RMDN2: variants seen among roughly 807,000 people sequenced by gnomAD.
The protein encoded by RMDN2 is regulator of microtubule dynamics protein 2.
A neutral mutation model predicts 52.8 loss-of-function variants in RMDN2; 61 were observed. The observed-to-expected ratio is 1.16, with a 90% CI of 0.94 to 1.43. RMDN2 has a LOEUF of 1.43. RMDN2 is among the 40% of genes most tolerant of loss of function. The pLI is 0.00. For synonymous variants in RMDN2, 180 were observed against 153.1 expected, an observed-to-expected ratio of 1.18 and a Z score of -1.30; for missense variants, 592 against 475.3, an observed-to-expected ratio of 1.25 and a Z score of -2.28.
chr2:37,989,211 A>G (rs553216125), intron 5 of RMDN2, among the ~76,000 whole-genome samples: 29 of 152,238 alleles, frequency 1.9e-4, no homozygotes, highest in African/African-American at 6.7e-4. Context: ...TTTCTTCATG[A>G]CTTTAATATT....
At position 38,066,924 on chromosome 2, in the gene RMDN2, A is replaced by G. The variant is rs530111619; in HGVS notation, c.1714-58A>G. 3.5e-5 allele frequency: 56 copies of G among 1,594,886 alleles called. No individual in the cohort carries two copies. The African/African-American group carries it at 7.0e-4, about 20-fold the overall frequency. ...GCTGCTAAAGTGAGGTTCCCACGCC[A>G]AAGTTTCAATGCCATTTTGTGCAAT... On this transcript the variant is annotated intron_variant, in intron 10 of 10. Coordinates refer to the RMDN2 transcript ENST00000234195.
At chr2:37,999,449 AC>A (rs1319026362) in intron 8 of RMDN2, among the ~76,000 whole-genome samples, 1 of 152,184 alleles carries the variant, frequency 6.6e-6, no homozygotes, top group Non-Finnish European at 1.5e-5. Flanking sequence ...ACCTCAGCAA[AC>A]CATCTTGGGG....
At chr2:37,953,428 T>C (rs2124975670) in intron 2 of RMDN2, among the ~76,000 whole-genome samples, 1 of 152,148 alleles carries the variant, frequency 6.6e-6, no homozygotes, top group Admixed American at 6.5e-5. Context: ...CTCATATAAG[T>C]GGAATCGTAT....
In RMDN2 at chr2:37,926,737, G is replaced by C. The variant is rs997150187; in HGVS notation, c.-17+1312G>C. 2.1e-4 allele frequency among the ~76,000 whole-genome samples: 32 copies of C among 152,186 alleles called. 1 individual carries two copies. The highest frequency in any genetic ancestry group is 3.2e-3 in the Middle Eastern group (1 of 316). On this transcript the variant is annotated intron_variant, in intron 1 of 10. Coordinates refer to ENST00000354545, the MANE Select transcript of RMDN2 (RefSeq NM_001170791.3). ...GGATTGCTTGGGCCCAGGAGTTCGG[G>C]ACCAGCCTAGCAACATAGGGAGACT...
chr2:38,059,766 G>C (rs1281131924), intron 10 of RMDN2, among the ~76,000 whole-genome samples: 1 of 152,176 alleles, frequency 6.6e-6, no homozygotes, highest in African/African-American at 2.4e-5. Context: ...GCCAAGGGCA[G>C]GTCTGTATGA....
intron 10 of RMDN2, among the ~76,000 whole-genome samples, chr2:38,033,892 A>G (rs1680395522): frequency 6.6e-6 from 1 of 152,312 alleles, no homozygotes. Flanking sequence ...ATATATCAGC[A>G]TATTGTTTTG....
chr2:37,933,779 A>G (rs1379612886), intron 2 of RMDN2, among the ~76,000 whole-genome samples: 3 of 137,084 alleles, frequency 2.2e-5, no homozygotes, highest in Non-Finnish European at 4.9e-5. Context: ...AGGGAGAGAG[A>G]GACCGTGGAA....
chr2:38,008,607 C>G (rs6756153), intron 10 of RMDN2, among the ~76,000 whole-genome samples: 1 of 151,828 alleles, frequency 6.6e-6, no homozygotes, highest in East Asian at 1.9e-4. Flanking sequence ...TGTCTCTGCA[C>G]GTGAGATGGG....
At chr2:38,013,742 A>C (rs1436156837) in intron 10 of RMDN2, among the ~76,000 whole-genome samples, 1 of 152,232 alleles carries the variant, frequency 6.6e-6, no homozygotes, top group Non-Finnish European at 1.5e-5. Flanking sequence ...CCTGTTATAG[A>C]AATGCTACAG....
At chr2:37,990,172 G>A (rs949723365) in intron 6 of RMDN2, among the ~76,000 whole-genome samples, 4 of 148,444 alleles carry the variant, frequency 2.7e-5, no homozygotes, top group Non-Finnish European at 5.9e-5. Flanking sequence ...ATTATTATTA[G>A]TCCAGATTCT....
intron 10 of RMDN2, among the ~76,000 whole-genome samples, chr2:38,015,400 A>C (rs1052693230): frequency 6.6e-6 from 1 of 152,102 alleles, no homozygotes; most frequent in Non-Finnish European, 1.5e-5. Context: ...CCCTGTCTCT[A>C]CTAAAAATAC....
intron 2 of RMDN2, chr2:37,963,192 C>T (rs1395197048): frequency 6.6e-6 from 1 of 152,302 alleles, no homozygotes; most frequent in Non-Finnish European, 1.5e-5. Context: ...AAATCTAGGG[C>T]TCTGTGAAAC....
At chr2:38,007,834 T>A (rs1198924481) in intron 10 of RMDN2, among the ~76,000 whole-genome samples, 2 of 152,238 alleles carry the variant, frequency 1.3e-5, no homozygotes, top group Admixed American at 1.3e-4. Flanking sequence ...CTTTCTCTGG[T>A]GGGCATTTAG....
At chr2:37,943,090 A>G (rs962618069) in intron 2 of RMDN2, among the ~76,000 whole-genome samples, 9 of 152,224 alleles carry the variant, frequency 5.9e-5, no homozygotes, top group Non-Finnish European at 1.3e-4. Context: ...AAAGGCTGAG[A>G]GAAGCATTTC....
upstream of RMDN2, among the ~76,000 whole-genome samples, chr2:37,922,075 G>A (rs1281041720): frequency 2.0e-5 from 3 of 152,120 alleles, no homozygotes; most frequent in African/African-American, 7.2e-5. Flanking sequence ...TCTCTCAATG[G>A]TTAGGGTGTT....
chr2:37,987,662 A>T (rs1331209952), intron 5 of RMDN2, among the ~76,000 whole-genome samples: 3 of 152,246 alleles, frequency 2.0e-5, no homozygotes, highest in African/African-American at 7.2e-5. Flanking sequence ...TTAAACACCA[A>T]GTACAAACCA....
chr2:38,052,511 A>G (rs1357427084), intron 10 of RMDN2, among the ~76,000 whole-genome samples: 1 of 152,174 alleles, frequency 6.6e-6, no homozygotes, highest in Non-Finnish European at 1.5e-5. Context: ...TTTGCTGTAC[A>G]GAAGGTTTTT....
chr2:37,923,183 A>G (rs1293482999), upstream of RMDN2: 2 of 152,174 alleles, frequency 1.3e-5, no homozygotes, highest in African/African-American at 4.8e-5. Flanking sequence ...TGTCTTTGCT[A>G]TTTAGTTACA....
chr2:37,941,063 C>G (rs1366940053), intron 2 of RMDN2, among the ~76,000 whole-genome samples: 1 of 152,196 alleles, frequency 6.6e-6, no homozygotes, highest in African/African-American at 2.4e-5. Flanking sequence ...TGGTGACGTT[C>G]TGATGGAGTT....
Sources: gnomAD v4.1 joint callset for allele counts (sites outside exome capture counted in the v4.1 genomes callset) on GRCh38, gnomAD v4.1.1 for gene constraint, MANE v1.5 for transcripts, NCBI Gene and HGNC (gene_info 2026-07-23, HGNC 2026-07-21) for gene names.